The following ERO1B variants were observed in gnomAD, a reference collection of about 807,000 sequenced individuals.
The protein encoded by ERO1B is endoplasmic reticulum oxidoreductase 1 beta, also known as ERO1-like protein beta.
ERO1B carries 49 observed loss-of-function variants against 75.3 expected under a neutral mutation model. That is an observed-to-expected ratio of 0.65 (90% CI 0.52 to 0.83). ERO1B has a LOEUF of 0.83. Ranked by LOEUF, ERO1B falls within the 40% of genes least tolerant of loss-of-function variation. ERO1B has a pLI of 0.00. For synonymous variants in ERO1B, 191 were observed against 192.9 expected, an observed-to-expected ratio of 0.99 and a Z score of 0.08; for missense variants, 512 against 560.1, an observed-to-expected ratio of 0.91 and a Z score of 0.87.
chr1:236,234,667 G>A (rs1366819912), intron 8 of ERO1B, among the ~76,000 whole-genome samples: 2 of 152,198 alleles, frequency 1.3e-5, no homozygotes, highest in African/African-American at 4.8e-5. Flanking sequence ...GTGACAGAGT[G>A]AGCATGAAAA....
At chr1:236,228,545 T>C (rs531094447) in intron 10 of ERO1B, among the ~76,000 whole-genome samples, 3 of 152,328 alleles carry the variant, frequency 2.0e-5, no homozygotes, top group South Asian at 2.1e-4. Flanking sequence ...TCTAACAACA[T>C]AGAGCAATTC....
chr1:236,256,919 G>C (rs74150397), intron 2 of ERO1B, among the ~76,000 whole-genome samples: 19,737 of 151,984 alleles, frequency 0.13, 1,402 homozygotes, highest in Admixed American at 0.2. Flanking sequence ...TCTCTTCCAA[G>C]TTAAAAAGTC....
chr1:236,237,223 G>T (rs1022226803), intron 6 of ERO1B, among the ~76,000 whole-genome samples: 1 of 148,400 alleles, frequency 6.7e-6, no homozygotes, highest in South Asian at 2.2e-4. Flanking sequence ...AGGTTCAAGC[G>T]ATTCTCCTGC....
At chr1:236,279,965 T>C (rs1190899769) in intron 1 of ERO1B, among the ~76,000 whole-genome samples, 4 of 152,150 alleles carry the variant, frequency 2.6e-5, no homozygotes, top group Non-Finnish European at 5.9e-5. Flanking sequence ...TTGGACTATA[T>C]TTATATTCAT....
chr1:236,229,440 ATAATAT>A (rs1396216118), intron 10 of ERO1B, among the ~76,000 whole-genome samples: 1 of 151,896 alleles, frequency 6.6e-6, no homozygotes, highest in African/African-American at 2.4e-5. Flanking sequence ...AAAAAAAGAA[ATAATAT>A]TCATAAGATA....
intron 6 of ERO1B, among the ~76,000 whole-genome samples, chr1:236,239,867 ATATGTGTATATGTGTGTGTG>A (rs1414620704): frequency 3.1e-5 from 4 of 128,266 alleles, no homozygotes; most frequent in African/African-American, 8.7e-5. Context: ...ATGTATATAT[ATATGTGTATATGTGTGTGTG>A]TGTGTATATA....
Position 236,269,851 on chromosome 1 carries a change from C to T in ERO1B, c.222+24G>A, listed in dbSNP as rs377215781. The T allele has an allele frequency of 1.3e-5, 21 of 1,556,006 alleles. No homozygotes were observed. In the Middle Eastern group the frequency reaches 5.1e-4, roughly 38 times the overall value. On this transcript the variant is annotated intron_variant, in intron 2 of 15. Coordinates refer to ENST00000354619, the MANE Select transcript of ERO1B (RefSeq NM_019891.4). ...TCACATATAATACCTTTGATATCAA[C>T]AGAATAAAAAATTACAACCTTACCT...
chr1:236,217,548 T>C lies in ERO1B; in HGVS notation c.*968A>G, dbSNP rs1435416592. The C allele has an allele frequency of 6.6e-6, 1 of 152,582 alleles. No homozygotes were observed. 9.5% of individuals were successfully genotyped at this position (152,582 alleles called of 1,614,324 possible). A position where few individuals can be genotyped will look rare whatever the true frequency, so the allele number is the denominator to read the frequency against. ...TAGATTGTATTCTAAAATAAATCCT[T>C]TAAAAATGCTTACTTTAAGTGAAAA... On this transcript the variant is annotated 3_prime_UTR_variant, in exon 16 of 16. Transcript: ENST00000354619.
intron 3 of ERO1B, among the ~76,000 whole-genome samples, chr1:236,252,762 T>C (rs936556197): frequency 6.6e-6 from 1 of 152,208 alleles, no homozygotes; most frequent in Non-Finnish European, 1.5e-5. Context: ...TTTTAAAGAA[T>C]GTTCCCTTTA....
At chr1:236,256,867 G>A (rs1665172094) in intron 2 of ERO1B, among the ~76,000 whole-genome samples, 1 of 151,954 alleles carries the variant, frequency 6.6e-6, no homozygotes, top group Non-Finnish European at 1.5e-5. Flanking sequence ...AGAACAAACA[G>A]GTGACTTTTA....
intron 4 of ERO1B, among the ~76,000 whole-genome samples, chr1:236,250,874 A>G (rs1665009154): frequency 6.6e-6 from 1 of 151,924 alleles, no homozygotes. Flanking sequence ...TATTATTTCT[A>G]ATGTTGAGAT....
intron 6 of ERO1B, among the ~76,000 whole-genome samples, chr1:236,240,849 G>A (rs1373705512): frequency 6.6e-6 from 1 of 152,092 alleles, no homozygotes; most frequent in Admixed American, 6.5e-5. Flanking sequence ...GCTTGGGCAG[G>A]GTGGGGGCCA....
intron 2 of ERO1B, among the ~76,000 whole-genome samples, chr1:236,257,992 AG>A (rs1158296271): frequency 1.3e-5 from 2 of 151,802 alleles, no homozygotes; most frequent in Non-Finnish European, 2.9e-5. Context: ...AAAGAGAAAA[AG>A]GGACAAAAAA....
In ERO1B at chr1:236,225,050, C is replaced by T. The variant is rs1411185091; in HGVS notation, c.1122+20G>A. 2.5e-6 allele frequency: 4 copies of T among 1,612,016 alleles called. No individual in the cohort carries two copies. In the African/African-American group the frequency reaches 4.0e-5, roughly 16 times the overall value. On this transcript the variant is annotated intron_variant, in intron 13 of 15. Transcript: ENST00000354619. ...CAGCAAACTGCTCCCAACCCCGTGT[C>T]CCAATCGAGAACTTTTTACCTTTAG... is the stretch of plus-strand genomic sequence containing the variant.
intron 1 of ERO1B, among the ~76,000 whole-genome samples, chr1:236,276,325 A>C (rs1411357126): frequency 3.3e-5 from 5 of 152,222 alleles, no homozygotes; most frequent in African/African-American, 1.2e-4. Context: ...TTTGGTATTT[A>C]AAGCTAAGAG....
At chr1:236,248,605 A>G (rs938218422) in intron 5 of ERO1B, among the ~76,000 whole-genome samples, 2 of 152,240 alleles carry the variant, frequency 1.3e-5, no homozygotes, top group Admixed American at 6.5e-5. Context: ...GGACAGATCT[A>G]GAAAGCAAAA....
At chr1:236,242,933 C>T (rs1158439417) in intron 6 of ERO1B, among the ~76,000 whole-genome samples, 4 of 152,132 alleles carry the variant, frequency 2.6e-5, no homozygotes, top group Admixed American at 2.0e-4. Context: ...GAATTAGAGT[C>T]CTCCCCAGCA....
intron 5 of ERO1B, among the ~76,000 whole-genome samples, chr1:236,247,529 T>C (rs1490392562): frequency 5.3e-5 from 8 of 152,210 alleles, no homozygotes; most frequent in Non-Finnish European, 1.2e-4. Flanking sequence ...TAATGTCTTA[T>C]TTGGATTACT....
rs766873424 is a variant in ERO1B, at chr1:236,231,888, A to G, written c.685+940T>C. Among the ~76,000 whole-genome samples, 141 of 152,196 alleles carry G rather than the reference A, an allele frequency of 9.3e-4. 1 individual carries two copies. Among genetic ancestry groups the G allele is most frequent in the Non-Finnish European group, 1.3e-3 (86 of 68,028 alleles). On this transcript the variant is annotated intron_variant, in intron 9 of 15. Coordinates refer to ENST00000354619, the MANE Select transcript of ERO1B (RefSeq NM_019891.4). ...AAAAGTCTAGTACCCAACGTACTAAAAAATATGGCCTCTATCAATCTAATT... is the reference window on the plus strand; with the variant it reads ...AAAAGTCTAGTACCCAACGTACTAAGAAATATGGCCTCTATCAATCTAATT...
Sources: gnomAD v4.1 joint callset for allele counts (sites outside exome capture counted in the v4.1 genomes callset) on GRCh38, gnomAD v4.1.1 for gene constraint, MANE v1.5 for transcripts, NCBI Gene and HGNC (gene_info 2026-07-23, HGNC 2026-07-21) for gene names.